The following CLIP1 variants were observed in gnomAD, a reference collection of about 807,000 sequenced individuals.
CLIP1 encodes the protein CAP-Gly domain-containing linker protein 1.
A neutral mutation model predicts 161.6 loss-of-function variants in CLIP1; 66 were observed. The ratio of observed to expected loss-of-function variants is 0.41; its 90% CI spans 0.33 to 0.50. CLIP1 has a LOEUF of 0.50. Ranked by LOEUF, CLIP1 falls within the 20% of genes least tolerant of loss-of-function variation. The pLI is 0.27. For synonymous variants in CLIP1, 598 were observed against 626.2 expected (o/e 0.96, Z 0.67); for missense variants, 1,376 against 1,702.0 (o/e 0.81, Z 3.37).
chr12:122,326,907 G>C (rs1341155013), intron 17 of CLIP1, among the ~76,000 whole-genome samples: 2 of 152,130 alleles, frequency 1.3e-5, no homozygotes, highest in African/African-American at 4.8e-5. Flanking sequence ...ATGTAGAAGA[G>C]GGAGAATATG....
At chr12:122,277,871 G>A in intron 24 of CLIP1, 1 of 380,620 alleles carries the variant, frequency 2.6e-6, no homozygotes, top group Non-Finnish European at 4.7e-6. Flanking sequence ...TATTAGTGCT[G>A]GCTTGTATAC....
At chr12:122,398,717 T>A (rs1011941471) in intron 1 of CLIP1, among the ~76,000 whole-genome samples, 5 of 151,572 alleles carry the variant, frequency 3.3e-5, no homozygotes, top group African/African-American at 1.2e-4. Flanking sequence ...AAAAAAAATT[T>A]TTTTTAATTA....
chr12:122,362,597 T>C (rs1343976163), intron 4 of CLIP1, among the ~76,000 whole-genome samples: 1 of 129,130 alleles, frequency 7.7e-6, no homozygotes, highest in East Asian at 2.4e-4. Context: ...GCCAAGATTG[T>C]GCCACTGCAC....
intron 19 of CLIP1, among the ~76,000 whole-genome samples, chr12:122,312,048 T>G (rs1026327198): frequency 2.0e-5 from 3 of 152,222 alleles, no homozygotes; most frequent in African/African-American, 7.2e-5. Flanking sequence ...TCAAAATAGC[T>G]ACAAAAATAT....
chr12:122,384,718 G>A (rs1955164371), intron 1 of CLIP1, among the ~76,000 whole-genome samples: 1 of 150,944 alleles, frequency 6.6e-6, no homozygotes, highest in South Asian at 2.1e-4. Context: ...CCGAGATCGC[G>A]CCACTGCACT....
At chr12:122,415,288 T>C (rs1313070802) in intron 1 of CLIP1, among the ~76,000 whole-genome samples, 3 of 150,062 alleles carry the variant, frequency 2.0e-5, no homozygotes, top group South Asian at 2.1e-4. Flanking sequence ...AAGACCATCC[T>C]GGCCAACACA....
intron 3 of CLIP1, among the ~76,000 whole-genome samples, chr12:122,366,017 A>G (rs902444831): frequency 2.6e-5 from 4 of 152,080 alleles, no homozygotes; most frequent in Admixed American, 2.0e-4. Flanking sequence ...TCAAAAAAAT[A>G]AAAAAGTAAA....
At position 122,352,713 on chromosome 12, in the gene CLIP1, G is replaced by A. The variant is rs758273580; in HGVS notation, c.1368+13C>T. ...TACCCATAAAAGCTGTAAGAGAGCT[G>A]GAGGGGTTTTACCTCAAGATCACCT... On this transcript the variant is annotated intron_variant, in intron 8 of 25. Transcript: ENST00000620786. 2.5e-6 allele frequency: 4 copies of A among 1,609,038 alleles called. No homozygotes were observed. The highest frequency in any genetic ancestry group is 3.4e-6 in the Non-Finnish European group (4 of 1,175,756).
At chr12:122,371,458 T>C (rs958809525) in intron 3 of CLIP1, among the ~76,000 whole-genome samples, 4 of 152,158 alleles carry the variant, frequency 2.6e-5, no homozygotes, top group African/African-American at 9.7e-5. Context: ...GCTCCAAACA[T>C]TGTGAAAATC....
chr12:122,290,267 T>G (rs186724721), intron 20 of CLIP1, among the ~76,000 whole-genome samples: 1 of 152,290 alleles, frequency 6.6e-6, no homozygotes, highest in African/African-American at 2.4e-5. Flanking sequence ...AATCTGTAAA[T>G]GTTAACATAG....
chr12:122,370,957 C>CAA (rs536221571), intron 3 of CLIP1, among the ~76,000 whole-genome samples: 6 of 67,540 alleles, frequency 8.9e-5, no homozygotes, highest in Admixed American at 1.7e-4. Context: ...GACTCTGTCT[C>CAA]AAAAAAAAAA....
chr12:122,368,760 G>A (rs547533982), intron 3 of CLIP1, among the ~76,000 whole-genome samples: 53 of 151,990 alleles, frequency 3.5e-4, no homozygotes, highest in African/African-American at 1.2e-3. Flanking sequence ...CTGAAATTCT[G>A]TCTCTACTAA....
Position 122,272,806 on chromosome 12 carries a change from C to A in CLIP1, c.*69G>T. ...TGAGTTCTCCTGAAGTCTGCACACACAATGCTGGTGTTACGTTGTGTCAAT... is the reference window on the plus strand; with the variant it reads ...TGAGTTCTCCTGAAGTCTGCACACAAAATGCTGGTGTTACGTTGTGTCAAT... On this transcript the variant is annotated 3_prime_UTR_variant, in exon 26 of 26. Transcript: ENST00000620786. The A allele has an allele frequency of 2.3e-6, 3 of 1,315,680 alleles. No individual in the cohort carries two copies. Among genetic ancestry groups the A allele is most frequent in the East Asian group, 2.3e-5 (1 of 43,322 alleles). The allele number at this position is 1,315,680 out of a possible 1,614,324, so 81.5% of individuals were successfully genotyped here. A position where few individuals can be genotyped will look rare whatever the true frequency, so the allele number is the denominator to read the frequency against.
intron 21 of CLIP1, among the ~76,000 whole-genome samples, chr12:122,281,532 T>C (rs1366995594): frequency 6.7e-6 from 1 of 149,790 alleles, no homozygotes; most frequent in Non-Finnish European, 1.5e-5. Context: ...TACAGAAACT[T>C]ACAAAAAAAA....
At chr12:122,277,280 T>A (rs1163425041) in intron 24 of CLIP1, 2 of 151,962 alleles carry the variant, frequency 1.3e-5, no homozygotes, top group Non-Finnish European at 2.9e-5. Flanking sequence ...AACTTTTTTT[T>A]AATTAAGTAA....
intron 20 of CLIP1, among the ~76,000 whole-genome samples, chr12:122,294,033 G>A (rs759656769): frequency 8.5e-4 from 129 of 151,580 alleles, no homozygotes; most frequent in Non-Finnish European, 1.5e-3. Context: ...GCCTCTTCAC[G>A]AATTCAAAAC....
intron 3 of CLIP1, among the ~76,000 whole-genome samples, chr12:122,374,627 T>G (rs1417609692): frequency 6.6e-6 from 1 of 151,842 alleles, no homozygotes; most frequent in Non-Finnish European, 1.5e-5. Context: ...CTGGGCATGG[T>G]GGTGGGCGCC....
chr12:122,374,956 C>G (rs1442672826), intron 3 of CLIP1, among the ~76,000 whole-genome samples: 1 of 152,094 alleles, frequency 6.6e-6, no homozygotes, highest in African/African-American at 2.4e-5. Flanking sequence ...ATGGAGACAA[C>G]CACGTTGAAA....
chr12:122,326,588 G>C (rs755995631), intron 17 of CLIP1, among the ~76,000 whole-genome samples: 4 of 152,124 alleles, frequency 2.6e-5, no homozygotes, highest in African/African-American at 4.8e-5. Context: ...CTGAGGCAAG[G>C]GGATCACTTG....
Sources: allele counts gnomAD v4.1 joint callset (sites outside exome capture counted in the v4.1 genomes callset), GRCh38; gene constraint gnomAD v4.1.1; transcripts MANE v1.5; gene names NCBI Gene and HGNC (gene_info 2026-07-23, HGNC 2026-07-21).